The following ZNF672 variants were observed in gnomAD, a reference collection of about 807,000 sequenced individuals.
ZNF672 encodes zinc finger protein 672.
For missense variants in ZNF672, 733 were observed against 701.1 expected, an observed-to-expected ratio of 1.05 and a Z score of -0.51; for synonymous variants, 358 against 305.6, an observed-to-expected ratio of 1.17 and a Z score of -1.79.
At position 248,847,354 on chromosome 1, in the gene ZNF672, C is replaced by T. The variant is rs1392674385; in HGVS notation, c.80C>T (p.Ser27Leu). ...SECGKSFCYS[S>L]VLLRHERAHG... is the part of the protein sequence containing the mutation. The stretch of plus-strand genomic sequence containing the variant: ...TGTGGCAAGAGCTTCTGCTACAGCT[C>T]AGTGCTGCTGCGACATGAACGAGCT... Residue 27 changes from serine to leucine, a missense_variant, in exon 4 of 4, where the codon TCA becomes TTA. By Grantham distance (145) the Ser-to-Leu change is moderately radical (BLOSUM62 -2). Transcript: ENST00000306562. 6.2e-7 allele frequency: 1 copy of T among 1,612,786 alleles called. No individual in the cohort carries two copies. Among genetic ancestry groups the T allele is most frequent in the African/African-American group, 1.3e-5 (1 of 74,926 alleles).
At chr1:248,845,057 G>A (rs1037432659) in intron 2 of ZNF672, among the ~76,000 whole-genome samples, 1 of 152,198 alleles carries the variant, frequency 6.6e-6, no homozygotes, top group Non-Finnish European at 1.5e-5. Context: ...GAGGTCAGAA[G>A]TTCAAAACCA....
At chr1:248,843,134 C>T (rs1234908384) in intron 1 of ZNF672, among the ~76,000 whole-genome samples, 1 of 152,148 alleles carries the variant, frequency 6.6e-6, no homozygotes, top group East Asian at 1.9e-4. Context: ...TGCTGACTTA[C>T]TCCTGTCCCT....
In ZNF672 at chr1:248,847,138, C is replaced by T; in HGVS notation, c.-137C>T. The T allele has an allele frequency of 1.7e-6, 2 of 1,197,124 alleles. No individual in the cohort carries two copies. The highest frequency in any genetic ancestry group is 2.3e-6 in the Non-Finnish European group (2 of 875,640). The allele number at this position is 1,197,124 out of a possible 1,614,324, so 74.2% of individuals were successfully genotyped here. ...TTAGAGAAGAACCCTGAAATCAGAC[C>T]AGTTTTTGCGGCCTCCCCCTTTCCT... On this transcript the variant is annotated 5_prime_UTR_variant, in exon 4 of 4. Transcript: ENST00000306562.
At chr1:248,840,570 G>A (rs993129468) in intron 1 of ZNF672, among the ~76,000 whole-genome samples, 1 of 152,262 alleles carries the variant, frequency 6.6e-6, no homozygotes, top group Non-Finnish European at 1.5e-5. Context: ...AGTGCACAGT[G>A]CTGTGGAGGA....
chr1:248,848,654 C>A lies in ZNF672; in HGVS notation c.*21C>A. ...CCTAGTTGAGGGAGGCTTGCTGAGG[C>A]TTCTCTAAAGGTGGTTGGGCAAGCA... On this transcript the variant is annotated 3_prime_UTR_variant, in exon 4 of 4. Coordinates refer to ENST00000306562, the MANE Select transcript of ZNF672 (RefSeq NM_024836.3). 1 of 1,548,118 alleles carries A rather than the reference C, an allele frequency of 6.5e-7. No homozygotes were observed. Among genetic ancestry groups the A allele is most frequent in the Non-Finnish European group, 8.7e-7 (1 of 1,147,456 alleles).
chr1:248,843,525 C>T (rs1664710068), intron 1 of ZNF672, among the ~76,000 whole-genome samples: 2 of 152,128 alleles, frequency 1.3e-5, no homozygotes, highest in Non-Finnish European at 2.9e-5. Flanking sequence ...GGTCAGTGAC[C>T]TTTTCTCAGG....
At position 248,849,169 on chromosome 1, in the gene ZNF672, G is replaced by T. The variant is rs1265730971; in HGVS notation, c.*536G>T. The T allele has an allele frequency of 2.2e-6, 1 of 447,682 alleles. No homozygotes were observed. The highest frequency in any genetic ancestry group is 7.0e-5 in the East Asian group (1 of 14,248). 27.7% of individuals were successfully genotyped at this position (447,682 alleles called of 1,614,324 possible). On this transcript the variant is annotated 3_prime_UTR_variant, in exon 4 of 4. Coordinates refer to ENST00000306562, the MANE Select transcript of ZNF672 (RefSeq NM_024836.3). ...GAGAAATGTGGGTATGGAGGTGGGT[G>T]GGAAAGCTCACTTCCATGAAGGATG... is the stretch of plus-strand genomic sequence containing the variant.
In ZNF672 at chr1:248,847,623, C is replaced by T; in HGVS notation, c.349C>T (p.His117Tyr). 2.6e-6 allele frequency: 4 copies of T among 1,523,408 alleles called. No homozygotes were observed. Among genetic ancestry groups the T allele is most frequent in the Non-Finnish European group, 3.5e-6 (4 of 1,138,526 alleles). 94.4% of individuals were successfully genotyped at this position (1,523,408 alleles called of 1,614,324 possible). A position where few individuals can be genotyped will look rare whatever the true frequency, so the allele number is the denominator to read the frequency against. ...CCCGCACCTCCCGGCGCTGCTGCTA[C>T]ACCGGCGCCGCCAGCATCTGCCAGA... ...RFPHLPALLL[H>Y]RRRQHLPERP... Residue 117 changes from histidine (H) to tyrosine (Y), a missense_variant, in exon 4 of 4, where the codon CAC (histidine) becomes TAC (tyrosine). Coordinates refer to ENST00000306562, the MANE Select transcript of ZNF672 (RefSeq NM_024836.3).
intron 3 of ZNF672, among the ~76,000 whole-genome samples, chr1:248,846,216 A>AC (rs1446001959): frequency 6.6e-6 from 1 of 152,216 alleles, no homozygotes; most frequent in Non-Finnish European, 1.5e-5. Context: ...ACCTTCACAA[A>AC]CAACTTGGAT....
intron 3 of ZNF672, among the ~76,000 whole-genome samples, chr1:248,846,113 A>G (rs1232533785): frequency 6.6e-6 from 1 of 152,254 alleles, no homozygotes; most frequent in Non-Finnish European, 1.5e-5. Flanking sequence ...CTGCTACTCC[A>G]GATTCTCAGA....
rs921312903 is a variant in ZNF672, at chr1:248,848,949, T to C, written c.*316T>C. On this transcript the variant is annotated 3_prime_UTR_variant, in exon 4 of 4. Transcript: ENST00000306562. ...TGTTGGTGTGTCCCTTTAATGCTAC[T>C]GTGCTCTCTGGTGTTTCTGATTTTC... The C allele has an allele frequency of 3.2e-6, 2 of 633,856 alleles. No individual in the cohort carries two copies. The highest frequency in any genetic ancestry group is 6.0e-6 in the Non-Finnish European group (2 of 331,266). The allele number at this position is 633,856 out of a possible 1,614,324, so 39.3% of individuals were successfully genotyped here.
Position 248,845,603 on chromosome 1 carries a change from A to T in ZNF672, c.-283A>T, listed in dbSNP as rs560460339. ...CAGAGGCACAAGAGGAGGACATCCC[A>T]TGCGGCTACTCCTGCCCAGCGTGGT... is the stretch of plus-strand genomic sequence containing the variant. On this transcript the variant is annotated 5_prime_UTR_variant, in exon 3 of 4. The change abolishes an upstream ATG in the 5' untranslated region. Transcript: ENST00000306562. 1.3e-5 allele frequency: 2 copies of T among 152,284 alleles called. No individual in the cohort carries two copies. The highest frequency in any genetic ancestry group is 6.5e-5 in the Admixed American group (1 of 15,294). The allele number at this position is 152,284 out of a possible 1,614,324, so 9.4% of individuals were successfully genotyped here. A position where few individuals can be genotyped will look rare whatever the true frequency, so the allele number is the denominator to read the frequency against.
intron 1 of ZNF672, among the ~76,000 whole-genome samples, chr1:248,839,819 A>G (rs1324013801): frequency 1.4e-5 from 2 of 144,676 alleles, no homozygotes; most frequent in Admixed American, 7.1e-5. Flanking sequence ...GCTCGCTGCA[A>G]CCTCCGCCTC....
At position 248,842,539 on chromosome 1, in the gene ZNF672, AG is replaced by A. The variant is rs528557314; in HGVS notation, c.-474-1940del. ...ATGAGTACGAGGGAGGTGTGGAGGCAGGGGTGGCCTCTCTGAGAAAGGGTAG... is the reference window on the plus strand; with the variant it reads ...ATGAGTACGAGGGAGGTGTGGAGGCAGGGTGGCCTCTCTGAGAAAGGGTAG... On this transcript the variant is annotated intron_variant, in intron 1 of 3. Coordinates refer to ENST00000306562, the MANE Select transcript of ZNF672 (RefSeq NM_024836.3). 2.2e-3 allele frequency among the ~76,000 whole-genome samples: 333 copies of A among 152,160 alleles called. 1 individual carries two copies. The highest frequency in any genetic ancestry group is 7.7e-3 in the African/African-American group (321 of 41,516).
At chr1:248,843,887 A>G (rs1664716310) in intron 1 of ZNF672, among the ~76,000 whole-genome samples, 1 of 152,160 alleles carries the variant, frequency 6.6e-6, no homozygotes. Flanking sequence ...GGGCCACTGT[A>G]GTAGACAGCA....
chr1:248,848,353 A>G lies in ZNF672; in HGVS notation c.1079A>G (p.Asn360Ser), dbSNP rs1402751449. Residue 360 changes from asparagine (N) to serine (S), a missense_variant, in exon 4 of 4, where the codon AAC becomes AGC. Coordinates refer to ENST00000306562, the MANE Select transcript of ZNF672 (RefSeq NM_024836.3). ...CVSNLNVHRRNHAGHKPHKCP... is the reference protein window; with the variant it reads ...CVSNLNVHRRSHAGHKPHKCP... Reference sequence around the variant, plus strand: ...TCCAATCTCAACGTGCATCGGCGCAACCATGCCGGCCACAAGCCACACAAA... The same window carrying G: ...TCCAATCTCAACGTGCATCGGCGCAGCCATGCCGGCCACAAGCCACACAAA... The G allele has an allele frequency of 1.9e-6, 3 of 1,601,162 alleles. No homozygotes were observed. In the African/African-American group the frequency reaches 4.0e-5, roughly 21 times the overall value.
Position 248,847,418 on chromosome 1 carries a change from T to A in ZNF672, c.144T>A (p.Gly48=), listed in dbSNP as rs749813631. Reference sequence around the variant, plus strand: ...GCCGCTTCCGTTGCCTAGAATGCGGTGAGCGCTGTGCACGGGCTGCTGACC... The same window carrying A: ...GCCGCTTCCGTTGCCTAGAATGCGGAGAGCGCTGTGCACGGGCTGCTGACC... ...GDGRFRCLEC[G]ERCARAADLR... The change falls in exon 4 of 4, where the codon GGT becomes GGA. Residue 48 remains glycine, a synonymous_variant. Coordinates refer to ENST00000306562, the MANE Select transcript of ZNF672 (RefSeq NM_024836.3). 1.2e-5 allele frequency: 19 copies of A among 1,593,436 alleles called. No individual in the cohort carries two copies. The highest frequency in any genetic ancestry group is 1.5e-5 in the Non-Finnish European group (17 of 1,169,810).
intron 1 of ZNF672, among the ~76,000 whole-genome samples, chr1:248,843,359 G>A (rs1286131207): frequency 1.3e-5 from 2 of 152,218 alleles, no homozygotes; most frequent in African/African-American, 4.8e-5. Flanking sequence ...AGAAGGTTTT[G>A]TGTAAGTCAC....
Position 248,848,989 on chromosome 1 carries a change from T to G in ZNF672, c.*356T>G, listed in dbSNP as rs1659278627. ...TTCTGATTTTCCTGCCTTTATTCTG[T>G]CTTCTCTTGTCCTATCTCATTCCAG... On this transcript the variant is annotated 3_prime_UTR_variant, in exon 4 of 4. Coordinates refer to ENST00000306562, the MANE Select transcript of ZNF672 (RefSeq NM_024836.3). 1 of 557,864 alleles carries G rather than the reference T, an allele frequency of 1.8e-6. No individual in the cohort carries two copies. The highest frequency in any genetic ancestry group is 3.5e-6 in the Non-Finnish European group (1 of 283,264). The allele number at this position is 557,864 out of a possible 1,614,324, so 34.6% of individuals were successfully genotyped here.
Sources: gnomAD v4.1 joint callset for allele counts (sites outside exome capture counted in the v4.1 genomes callset) on GRCh38, gnomAD v4.1.1 for gene constraint, MANE v1.5 for transcripts, NCBI Gene and HGNC (gene_info 2026-07-23, HGNC 2026-07-21) for gene names.